The following WWOX variants were observed in gnomAD, a reference collection of about 807,000 sequenced individuals.
The protein encoded by WWOX is WW domain-containing oxidoreductase.
In WWOX, 69 loss-of-function variants were observed where a neutral mutation model predicts 46.2. The observed-to-expected ratio is 1.49, with a 90% confidence interval of 1.23 to 1.82. The LOEUF (loss-of-function observed/expected upper bound fraction) is 1.82. Ranked by LOEUF, WWOX falls within the 40% of genes most tolerant of loss-of-function variation. WWOX has a pLI of 0.00. For synonymous variants in WWOX, 359 were observed against 202.6 expected (o/e 1.77, Z -6.56); for missense variants, 919 against 542.6 (o/e 1.69, Z -6.89).
intron 8 of WWOX, among the ~76,000 whole-genome samples, chr16:78,895,078 G>T (rs2044672591): frequency 1.3e-5 from 2 of 152,130 alleles, no homozygotes; most frequent in South Asian, 4.1e-4. Flanking sequence ...AAACACAATG[G>T]TTTCTGCCTT....
intron 8 of WWOX, among the ~76,000 whole-genome samples, chr16:78,804,553 A>G (rs2050978126): frequency 6.6e-6 from 1 of 152,248 alleles, no homozygotes; most frequent in African/African-American, 2.4e-5. Flanking sequence ...CCTGATGAGA[A>G]CTGTGGTTTC....
chr16:78,409,365 G>T (rs943406711), intron 6 of WWOX, among the ~76,000 whole-genome samples: 1 of 152,018 alleles, frequency 6.6e-6, no homozygotes. Context: ...CCTTACTGTA[G>T]TCATACCTGC....
At chr16:78,400,264 T>A (rs58746031) in intron 6 of WWOX, among the ~76,000 whole-genome samples, 17,493 of 152,204 alleles carry the variant, frequency 0.11, 1,660 homozygotes, top group African/African-American at 0.25. Context: ...AAGTACAAGT[T>A]ATGCATAAGG....
At chr16:79,033,933 A>C (rs867448436) in intron 8 of WWOX, among the ~76,000 whole-genome samples, 2 of 152,194 alleles carry the variant, frequency 1.3e-5, no homozygotes, top group Non-Finnish European at 2.9e-5. Context: ...ACCATGTCAC[A>C]GGGATGTTGG....
intron 8 of WWOX, among the ~76,000 whole-genome samples, chr16:78,726,034 C>T (rs2048823563): frequency 6.7e-6 from 1 of 149,854 alleles, no homozygotes; most frequent in African/African-American, 2.5e-5. Flanking sequence ...AGTTCTCCTC[C>T]TTTCTTCTTT....
chr16:79,046,016 G>A (rs569179553), intron 8 of WWOX, among the ~76,000 whole-genome samples: 2 of 151,968 alleles, frequency 1.3e-5, no homozygotes, highest in South Asian at 4.2e-4. Flanking sequence ...TGGCCAGGCT[G>A]GCCTCGAGCT....
intron 8 of WWOX, among the ~76,000 whole-genome samples, chr16:78,497,577 A>G (rs1313959478): frequency 6.6e-6 from 1 of 152,238 alleles, no homozygotes; most frequent in Non-Finnish European, 1.5e-5. Flanking sequence ...ATAAGGGGTT[A>G]ATATTCAAAA....
chr16:78,713,595 T>G (rs1475816142), intron 8 of WWOX, among the ~76,000 whole-genome samples: 3 of 152,110 alleles, frequency 2.0e-5, no homozygotes, highest in African/African-American at 4.8e-5. Context: ...AGAGGAAATT[T>G]GGATGCACAG....
At chr16:78,324,705 A>G (rs1237900379) in intron 5 of WWOX, among the ~76,000 whole-genome samples, 1 of 144,924 alleles carries the variant, frequency 6.9e-6, no homozygotes, top group Non-Finnish European at 1.5e-5. Flanking sequence ...ACATATGGTG[A>G]GATTCCGTTC....
chr16:78,366,426 A>G (rs1853341078), intron 5 of WWOX, among the ~76,000 whole-genome samples: 1 of 152,208 alleles, frequency 6.6e-6, no homozygotes, highest in Admixed American at 6.5e-5. Flanking sequence ...ATAAAACAAC[A>G]GACACTCTAA....
intron 8 of WWOX, among the ~76,000 whole-genome samples, chr16:78,789,798 T>A (rs546775929): frequency 5.9e-5 from 9 of 152,268 alleles, no homozygotes; most frequent in African/African-American, 2.2e-4. Flanking sequence ...AAAGCTCATT[T>A]TCCAGTTTTT....
intron 8 of WWOX, among the ~76,000 whole-genome samples, chr16:78,789,313 T>G (rs888885489): frequency 6.6e-6 from 1 of 152,210 alleles, no homozygotes; most frequent in African/African-American, 2.4e-5. Flanking sequence ...CCATTTTACG[T>G]CAATTTTTCT....
chr16:78,293,951 T>G (rs1258466685), intron 5 of WWOX, among the ~76,000 whole-genome samples: 1 of 112,772 alleles, frequency 8.9e-6, no homozygotes, highest in African/African-American at 3.4e-5. Context: ...CACTCTAGCC[T>G]GGGCGACAGA....
At chr16:78,220,880 T>G (rs1597368360) in intron 5 of WWOX, among the ~76,000 whole-genome samples, 1 of 152,200 alleles carries the variant, frequency 6.6e-6, no homozygotes, top group African/African-American at 2.4e-5. Context: ...CAATTTCTTT[T>G]TGGACTCATT....
intron 8 of WWOX, among the ~76,000 whole-genome samples, chr16:78,582,651 C>T (rs1045239083): frequency 8.5e-5 from 13 of 152,160 alleles, no homozygotes; most frequent in African/African-American, 2.9e-4. Context: ...CCCGATACCT[C>T]TATCTCCGCT....
At chr16:78,932,623 C>G (rs1422164383) in intron 8 of WWOX, among the ~76,000 whole-genome samples, 1 of 152,226 alleles carries the variant, frequency 6.6e-6, no homozygotes, top group Non-Finnish European at 1.5e-5. Context: ...TTGCTGACCT[C>G]CCTGAAAGAG....
chr16:78,546,019 A>C (rs1385728522), intron 8 of WWOX, among the ~76,000 whole-genome samples: 1 of 152,196 alleles, frequency 6.6e-6, no homozygotes. Context: ...AGGGGGACGC[A>C]GTTTAGTCTG....
chr16:78,108,321 C>G, intron 1 of WWOX, 102 bp from the exon 2 acceptor site: 1 of 1,201,884 alleles, frequency 8.3e-7, no homozygotes, highest in Admixed American at 2.0e-5. Flanking sequence ...CTACTTCCTT[C>G]TTATATCTGG....
At position 78,519,253 on chromosome 16, in the gene WWOX, C is replaced by T. The variant is rs578190518; in HGVS notation, c.1056+86501C>T. ...AGGGTTTTGTGTGTTAAAGGACTTGCGGAGTGCCTAGAACCCAATGAGGGC... is the reference window on the plus strand; with the variant it reads ...AGGGTTTTGTGTGTTAAAGGACTTGTGGAGTGCCTAGAACCCAATGAGGGC... On this transcript the variant is annotated intron_variant, in intron 8 of 8. Coordinates refer to ENST00000566780, the MANE Select transcript of WWOX (RefSeq NM_016373.4). Among the ~76,000 whole-genome samples the T allele has an allele frequency of 1.8e-4, 28 of 152,120 alleles. No individual in the cohort carries two copies. In the East Asian group the frequency reaches 4.9e-3, roughly 26 times the overall value.
Sources: allele counts gnomAD v4.1 joint callset (sites outside exome capture counted in the v4.1 genomes callset), GRCh38; gene constraint gnomAD v4.1.1; transcripts MANE v1.5; gene names NCBI Gene and HGNC (gene_info 2026-07-23, HGNC 2026-07-21).